Variants in SCHIP1 observed in about 807,000 individuals in gnomAD.
SCHIP1 encodes the protein schwannomin-interacting protein 1.
In SCHIP1, 8 loss-of-function variants were observed where a neutral mutation model predicts 29.7. The observed-to-expected ratio is 0.27, with a 90% CI of 0.16 to 0.49. SCHIP1 has a LOEUF of 0.49. SCHIP1 is among the 20% of genes least tolerant of loss of function. The pLI is 0.99. For synonymous variants in SCHIP1, 76 were observed against 94.9 expected (o/e 0.80, Z 1.16); for missense variants, 193 against 294.6 (o/e 0.66, Z 2.52).
chr3:159,602,006 A>G, the SCHIP1 span, among the ~76,000 whole-genome samples: 6 of 152,182 alleles, frequency 3.9e-5, no homozygotes, highest in Non-Finnish European at 8.8e-5. Flanking sequence ...GTAACCCAGA[A>G]CAAGTTCCTT....
At chr3:159,664,691 G>A in the SCHIP1 span, among the ~76,000 whole-genome samples, 34 of 152,318 alleles carry the variant, frequency 2.2e-4, 1 homozygote, top group African/African-American at 7.5e-4. Flanking sequence ...ATAGGGTAGA[G>A]AGAGCACCAT....
chr3:159,810,192 G>C, the SCHIP1 span, among the ~76,000 whole-genome samples: 2 of 152,016 alleles, frequency 1.3e-5, no homozygotes, highest in South Asian at 4.2e-4. Flanking sequence ...ATTACAGGCA[G>C]GTGCCACCAC....
the SCHIP1 span, among the ~76,000 whole-genome samples, chr3:159,287,054 C>A: frequency 6.6e-6 from 1 of 152,028 alleles, no homozygotes; most frequent in Non-Finnish European, 1.5e-5. Context: ...TTTTACTGTG[C>A]CGAAGCTCTT....
At chr3:159,294,634 AC>A in the SCHIP1 span, among the ~76,000 whole-genome samples, 12 of 152,362 alleles carry the variant, frequency 7.9e-5, no homozygotes, top group African/African-American at 2.6e-4. Context: ...AAGTGTATTT[AC>A]AGTTACTTTT....
the SCHIP1 span, among the ~76,000 whole-genome samples, chr3:159,278,832 C>G: frequency 6.6e-6 from 1 of 152,094 alleles, no homozygotes; most frequent in African/African-American, 2.4e-5. Flanking sequence ...AGTTTTTTTC[C>G]TGTTTAGGCA....
At chr3:159,687,381 G>A in the SCHIP1 span, among the ~76,000 whole-genome samples, 3 of 151,846 alleles carry the variant, frequency 2.0e-5, no homozygotes, top group Non-Finnish European at 2.9e-5. Context: ...CTCTCTGAAT[G>A]GCAAGAAAAT....
At chr3:159,750,485 G>T in the SCHIP1 span, among the ~76,000 whole-genome samples, 1 of 151,936 alleles carries the variant, frequency 6.6e-6, no homozygotes, top group Non-Finnish European at 1.5e-5. Flanking sequence ...TGGGGATTTG[G>T]GTGCTGATGC....
At chr3:159,683,166 C>T in the SCHIP1 span, among the ~76,000 whole-genome samples, 4 of 152,134 alleles carry the variant, frequency 2.6e-5, no homozygotes, top group African/African-American at 9.7e-5. Flanking sequence ...TCTTCTGCCT[C>T]AGCACCCCTG....
chr3:159,886,448 A>G (rs1716971286), intron 3 of SCHIP1, 124 bp downstream of exon 4: 1 of 803,312 alleles, frequency 1.2e-6, no homozygotes, highest in African/African-American at 1.7e-5. Flanking sequence ...GTTTCTTGGA[A>G]TTGCATGCTC....
At chr3:159,284,033 A>G in the SCHIP1 span, among the ~76,000 whole-genome samples, 1 of 152,196 alleles carries the variant, frequency 6.6e-6, no homozygotes, top group African/African-American at 2.4e-5. Flanking sequence ...TATTTCTTTC[A>G]AGTTTGAATC....
chr3:159,833,883 A>G, the SCHIP1 span, among the ~76,000 whole-genome samples: 60 of 152,122 alleles, frequency 3.9e-4, no homozygotes, highest in African/African-American at 1.3e-3. Flanking sequence ...AAAACCTCAC[A>G]ATTCCTTATC....
the SCHIP1 span, among the ~76,000 whole-genome samples, chr3:159,813,728 G>C: frequency 2.0e-5 from 3 of 151,836 alleles, no homozygotes; most frequent in Admixed American, 2.0e-4. Flanking sequence ...AGGAGTTCAG[G>C]CTCCAAATCT....
the SCHIP1 span, among the ~76,000 whole-genome samples, chr3:159,468,777 A>ATATT: frequency 0.11 from 13,807 of 126,890 alleles, 874 homozygotes; most frequent in East Asian, 0.24. Flanking sequence ...ATATATATAT[A>ATATT]TTTTTTTTAG....
At chr3:159,564,905 G>T in the SCHIP1 span, among the ~76,000 whole-genome samples, 3 of 152,266 alleles carry the variant, frequency 2.0e-5, no homozygotes, top group East Asian at 5.8e-4. Context: ...ATTGTGAATA[G>T]TGCTGACATG....
chr3:159,693,734 C>G, the SCHIP1 span, among the ~76,000 whole-genome samples: 1 of 152,140 alleles, frequency 6.6e-6, no homozygotes, highest in Non-Finnish European at 1.5e-5. Context: ...TGAAAATTCT[C>G]CAATTTCCAG....
chr3:159,827,595 G>A, the SCHIP1 span, among the ~76,000 whole-genome samples: 3 of 152,086 alleles, frequency 2.0e-5, no homozygotes, highest in Non-Finnish European at 4.4e-5. Flanking sequence ...CATGAGGTCA[G>A]GAGATCGAGA....
the SCHIP1 span, chr3:159,273,840 G>T: frequency 6.2e-7 from 1 of 1,613,568 alleles, no homozygotes; most frequent in Non-Finnish European, 8.5e-7. Flanking sequence ...TCCGGGCAGC[G>T]TGTTACAACG....
chr3:159,438,441 G>A, the SCHIP1 span, among the ~76,000 whole-genome samples: 15 of 152,130 alleles, frequency 9.9e-5, no homozygotes, highest in Non-Finnish European at 1.6e-4. Flanking sequence ...CACACAGACC[G>A]GACAGAAGGA....
the SCHIP1 span, among the ~76,000 whole-genome samples, chr3:159,425,677 C>G: frequency 1.8e-4 from 28 of 152,222 alleles, no homozygotes; most frequent in Non-Finnish European, 3.5e-4. Flanking sequence ...GAACTCAGCT[C>G]TGCACCAAGT....
Sources: allele counts gnomAD v4.1 joint callset (sites outside exome capture counted in the v4.1 genomes callset), GRCh38; gene constraint gnomAD v4.1.1; transcripts MANE v1.5; gene names NCBI Gene and HGNC (gene_info 2026-07-23, HGNC 2026-07-21).